The following MACROD2 variants were observed in gnomAD, a reference collection of about 807,000 sequenced individuals.
MACROD2 encodes the protein mono-ADP ribosylhydrolase 2.
Under a neutral mutation model 70.4 loss-of-function variants are expected in MACROD2, and 36 were observed. The ratio of observed to expected loss-of-function variants is 0.51; its 90% confidence interval spans 0.39 to 0.68. The LOEUF (loss-of-function observed/expected upper bound fraction) is 0.68, where lower values mean the gene tolerates loss of function less well. Ranked by LOEUF, MACROD2 falls within the 30% of genes least tolerant of loss-of-function variation. The pLI is 0.00. For missense variants in MACROD2, 496 were observed against 538.4 expected (o/e 0.92, Z 0.78); for synonymous variants, 172 against 178.8 (o/e 0.96, Z 0.30).
chr20:15,644,771 C>T (rs1422512038), intron 8 of MACROD2, among the ~76,000 whole-genome samples: 1 of 152,138 alleles, frequency 6.6e-6, no homozygotes, highest in Non-Finnish European at 1.5e-5. Flanking sequence ...CTCAGTGCAA[C>T]CTCCGCCTCC....
chr20:14,914,475 A>G (rs1334204995), intron 5 of MACROD2, among the ~76,000 whole-genome samples: 3 of 152,190 alleles, frequency 2.0e-5, no homozygotes, highest in Admixed American at 6.5e-5. Context: ...ATCAAGATCT[A>G]TATGAGAGCT....
chr20:14,272,383 C>T (rs1272261977), intron 3 of MACROD2, among the ~76,000 whole-genome samples: 2 of 151,852 alleles, frequency 1.3e-5, no homozygotes, highest in Non-Finnish European at 1.5e-5. Flanking sequence ...AATTTCATAT[C>T]CAGCCAAACT....
At chr20:14,601,034 T>C (rs550616800) in intron 4 of MACROD2, among the ~76,000 whole-genome samples, 1 of 152,266 alleles carries the variant, frequency 6.6e-6, no homozygotes. Flanking sequence ...CTTACCACCC[T>C]GAATCCCGGT....
chr20:14,057,471 A>G (rs1458731267), intron 2 of MACROD2, among the ~76,000 whole-genome samples: 1 of 152,188 alleles, frequency 6.6e-6, no homozygotes, highest in African/African-American at 2.4e-5. Flanking sequence ...AGTCAGTTCA[A>G]ACTGTAAAGA....
chr20:15,847,702 T>C (rs1055725610), intron 8 of MACROD2, among the ~76,000 whole-genome samples: 2 of 152,234 alleles, frequency 1.3e-5, no homozygotes, highest in Non-Finnish European at 2.9e-5. Flanking sequence ...ATCATTCTAT[T>C]ACCCTCTACT....
intron 5 of MACROD2, among the ~76,000 whole-genome samples, chr20:14,904,074 A>G (rs936919042): frequency 1.3e-5 from 2 of 152,156 alleles, no homozygotes; most frequent in Non-Finnish European, 1.5e-5. Context: ...CACTGGACTC[A>G]TGGGAGGGAC....
At chr20:15,037,105 T>C (rs888363152) in intron 5 of MACROD2, among the ~76,000 whole-genome samples, 2 of 152,100 alleles carry the variant, frequency 1.3e-5, no homozygotes, top group African/African-American at 4.8e-5. Context: ...AGTAGCTCGA[T>C]GGGTTAGTGT....
intron 12 of MACROD2, among the ~76,000 whole-genome samples, chr20:15,964,771 A>T (rs997861541): frequency 2.6e-5 from 4 of 152,232 alleles, no homozygotes. Context: ...TTATGAGACT[A>T]GAAATTCAGA....
At chr20:14,166,655 T>A (rs969003807) in intron 3 of MACROD2, among the ~76,000 whole-genome samples, 7 of 152,120 alleles carry the variant, frequency 4.6e-5, no homozygotes, top group Admixed American at 1.3e-4. Context: ...TTTATCATTC[T>A]CCCTAGCTTC....
chr20:14,476,810 T>A (rs2123060420), intron 3 of MACROD2, among the ~76,000 whole-genome samples: 1 of 152,318 alleles, frequency 6.6e-6, no homozygotes, highest in Admixed American at 6.5e-5. Flanking sequence ...ATAAATAAGG[T>A]AATTTGGTCT....
At chr20:14,580,378 C>A (rs1271309071) in intron 4 of MACROD2, among the ~76,000 whole-genome samples, 1 of 151,904 alleles carries the variant, frequency 6.6e-6, no homozygotes, top group Non-Finnish European at 1.5e-5. Flanking sequence ...ATTCCATTAT[C>A]TTGGTTACTC....
chr20:14,581,136 A>C (rs1980988248), intron 4 of MACROD2, among the ~76,000 whole-genome samples: 1 of 152,244 alleles, frequency 6.6e-6, no homozygotes, highest in African/African-American at 2.4e-5. Flanking sequence ...CATATGATCT[A>C]AATGCTTGAA....
At chr20:14,348,352 G>A (rs1271984263) in intron 3 of MACROD2, among the ~76,000 whole-genome samples, 1 of 151,884 alleles carries the variant, frequency 6.6e-6, no homozygotes, top group Non-Finnish European at 1.5e-5. Context: ...TAAAAATTCT[G>A]TGACATTAAG....
chr20:14,502,519 A>T (rs1812442275), intron 4 of MACROD2, among the ~76,000 whole-genome samples: 1 of 152,206 alleles, frequency 6.6e-6, no homozygotes, highest in Non-Finnish European at 1.5e-5. Flanking sequence ...CTGTTCTAAA[A>T]TGATGGTTAT....
intron 3 of MACROD2, among the ~76,000 whole-genome samples, chr20:14,129,205 G>A (rs1190886272): frequency 6.6e-6 from 1 of 152,200 alleles, no homozygotes; most frequent in Non-Finnish European, 1.5e-5. Context: ...GTAATTCATG[G>A]AAGGAGGTCA....
Position 15,749,817 on chromosome 20 carries a change from A to G in MACROD2, c.646-112928A>G, listed in dbSNP as rs372091633. Among the ~76,000 whole-genome samples the G allele has an allele frequency of 4.6e-5, 7 of 152,052 alleles. No homozygotes were observed. In the East Asian group the frequency reaches 9.6e-4, roughly 21 times the overall value. On this transcript the variant is annotated intron_variant, in intron 8 of 17. Coordinates refer to ENST00000684519, the MANE Select transcript of MACROD2 (RefSeq NM_001351661.2). ...GACTATCGAAAGGCAGAAGAAGGAG[A>G]CTAGACACCTATCTCTCGCTACATA...
rs946512731 is a variant in MACROD2 at position 15,120,500 on chromosome 20, A to G, written c.419-109440A>G. Among the ~76,000 whole-genome samples the G allele has an allele frequency of 3.9e-5, 6 of 152,312 alleles. No individual in the cohort carries two copies. In the South Asian group the frequency reaches 1.0e-3, roughly 26 times the overall value. On this transcript the variant is annotated intron_variant, in intron 5 of 17. Coordinates refer to ENST00000684519, the MANE Select transcript of MACROD2 (RefSeq NM_001351661.2). ...TAAAGCCAGCACTCTACATGCAGCCATCATGAATTATCTTGTGTGATGTGC... is the reference window on the plus strand; with the variant it reads ...TAAAGCCAGCACTCTACATGCAGCCGTCATGAATTATCTTGTGTGATGTGC...
At chr20:15,935,931 G>A (rs904949556) in intron 11 of MACROD2, among the ~76,000 whole-genome samples, 2 of 152,152 alleles carry the variant, frequency 1.3e-5, no homozygotes, top group African/African-American at 4.8e-5. Flanking sequence ...CTCTGAGGAA[G>A]TGATAGTTAA....
intron 15 of MACROD2, among the ~76,000 whole-genome samples, chr20:15,988,235 T>A (rs927563): frequency 0.98 from 149,798 of 152,272 alleles, 73,734 homozygotes; most frequent in East Asian, 1. Context: ...ACGACTCCAC[T>A]TTCCTGTTAA....
Sources: gnomAD v4.1 joint callset for allele counts (sites outside exome capture counted in the v4.1 genomes callset) on GRCh38, gnomAD v4.1.1 for gene constraint, MANE v1.5 for transcripts, NCBI Gene and HGNC (gene_info 2026-07-23, HGNC 2026-07-21) for gene names.